The following CORO2B variants were observed in gnomAD, a reference collection of about 807,000 sequenced individuals.
CORO2B encodes coronin-2B.
A neutral mutation model predicts 58.8 loss-of-function variants in CORO2B; 26 were observed. The observed-to-expected ratio is 0.44, with a 90% CI of 0.32 to 0.61. CORO2B has a LOEUF of 0.61. CORO2B is among the 20% of genes least tolerant of loss of function. The pLI is 0.04. For missense variants in CORO2B, 460 were observed against 645.1 expected, an observed-to-expected ratio of 0.71 and a Z score of 3.11; for synonymous variants, 242 against 253.8, an observed-to-expected ratio of 0.95 and a Z score of 0.44.
At chr15:68,606,072 A>G (rs1004356548) in intron 1 of CORO2B, among the ~76,000 whole-genome samples, 1 of 152,006 alleles carries the variant, frequency 6.6e-6, no homozygotes, top group Non-Finnish European at 1.5e-5. Context: ...AGCCTCGTTT[A>G]CTGAAAGTCA....
At chr15:68,579,448 A>C (rs1899366051) in intron 1 of CORO2B, among the ~76,000 whole-genome samples, 171 bp downstream of exon 1, 1 of 151,634 alleles carries the variant, frequency 6.6e-6, no homozygotes, top group Non-Finnish European at 1.5e-5. Flanking sequence ...GCCCCCAAGG[A>C]CTGCGGAGGC....
At chr15:68,700,561 G>C (rs958067776) in intron 3 of CORO2B, among the ~76,000 whole-genome samples, 37 of 152,182 alleles carry the variant, frequency 2.4e-4, no homozygotes, top group Admixed American at 2.1e-3. Context: ...GGATCCAGCA[G>C]AACATACCCA....
Position 68,578,994 on chromosome 15 carries a change from T to C in CORO2B, c.-269T>C, listed in dbSNP as rs1219641314. The stretch of plus-strand genomic sequence containing the variant: ...CGGGCCCTCTCCCTCTCTCCCTTTC[T>C]TCCTGCCTCGCCTTCCTGCGGCGAA... On this transcript the variant is annotated 5_prime_UTR_variant, in exon 1 of 12. Coordinates refer to ENST00000261861, the MANE Select transcript of CORO2B (RefSeq NM_006091.5). The surrounding 1 kb of genome is among the most constrained non-coding windows in gnomAD (Gnocchi z 4.2). 1.0e-6 allele frequency: 1 copy of C among 970,194 alleles called. No individual in the cohort carries two copies. Among genetic ancestry groups the C allele is most frequent in the Non-Finnish European group, 1.2e-6 (1 of 817,138 alleles). 60.1% of individuals were successfully genotyped at this position (970,194 alleles called of 1,614,324 possible). A position where few individuals can be genotyped will look rare whatever the true frequency, so the allele number is the denominator to read the frequency against.
intron 2 of CORO2B, among the ~76,000 whole-genome samples, chr15:68,673,061 C>T (rs1265003668): frequency 6.6e-6 from 1 of 152,130 alleles, no homozygotes; most frequent in Admixed American, 6.5e-5. Flanking sequence ...TTGTAGCTTA[C>T]AGGGGTGGTG....
At chr15:68,529,639 C>T in the CORO2B span, among the ~76,000 whole-genome samples, 17 of 152,128 alleles carry the variant, frequency 1.1e-4, no homozygotes, top group African/African-American at 3.9e-4. Flanking sequence ...AATCTTGTCG[C>T]AAATTTTTCA....
intron 2 of CORO2B, among the ~76,000 whole-genome samples, chr15:68,670,300 A>G (rs757264823): frequency 5.9e-5 from 9 of 151,936 alleles, no homozygotes; most frequent in Non-Finnish European, 7.4e-5. Flanking sequence ...TCAGCCTCCC[A>G]AGTAGCTGGG....
At chr15:68,627,721 C>T (rs1475880759) in intron 1 of CORO2B, among the ~76,000 whole-genome samples, 1 of 152,094 alleles carries the variant, frequency 6.6e-6, no homozygotes, top group Non-Finnish European at 1.5e-5. Context: ...TATTAGGTGA[C>T]TCAGTTATTT....
At chr15:68,536,646 T>C in the CORO2B span, among the ~76,000 whole-genome samples, 1 of 152,236 alleles carries the variant, frequency 6.6e-6, no homozygotes, top group Non-Finnish European at 1.5e-5. Flanking sequence ...ATTTGTTTTT[T>C]CTTCCTTGGT....
chr15:68,548,540 C>G, the CORO2B span, among the ~76,000 whole-genome samples: 10 of 152,286 alleles, frequency 6.6e-5, no homozygotes, highest in Middle Eastern at 3.4e-3. Flanking sequence ...CAGCACACCA[C>G]AGCACATACA....
chr15:68,591,852 G>A (rs926096442), intron 1 of CORO2B, among the ~76,000 whole-genome samples: 1 of 152,170 alleles, frequency 6.6e-6, no homozygotes, highest in Non-Finnish European at 1.5e-5. Flanking sequence ...CTAGGAAAAC[G>A]TGGTTATAGC....
rs115420412 is a variant in CORO2B, at chr15:68,673,036, G to A, written c.217-22104G>A. ...AGGAGAACCCACACCCCCAGGGAAA[G>A]GGTCTACAAACAAGTTGTAGCTTAC... On this transcript the variant is annotated intron_variant, in intron 2 of 11. Transcript: ENST00000261861. 5.7e-3 allele frequency among the ~76,000 whole-genome samples: 864 copies of A among 152,292 alleles called. 3 individuals are homozygous for A. The highest frequency in any genetic ancestry group is 0.02 in the African/African-American group (820 of 41,534).
At chr15:68,614,343 A>G (rs1286223974) in intron 1 of CORO2B, among the ~76,000 whole-genome samples, 1 of 152,234 alleles carries the variant, frequency 6.6e-6, no homozygotes, top group African/African-American at 2.4e-5. Context: ...ATCACATAAA[A>G]TTGTGCATCG....
intron 1 of CORO2B, among the ~76,000 whole-genome samples, chr15:68,579,491 G>A (rs1386894513): frequency 6.6e-6 from 1 of 152,018 alleles, no homozygotes; most frequent in Non-Finnish European, 1.5e-5. Flanking sequence ...CAGCCCCGGC[G>A]GTTTGGCCAA....
chr15:68,540,315 G>A, the CORO2B span, among the ~76,000 whole-genome samples: 1 of 152,180 alleles, frequency 6.6e-6, no homozygotes, highest in Non-Finnish European at 1.5e-5. Context: ...AATGTATTGG[G>A]AAGCTGTCAA....
chr15:68,695,962 A>C (rs2140313675), intron 3 of CORO2B, among the ~76,000 whole-genome samples: 1 of 152,222 alleles, frequency 6.6e-6, no homozygotes. Flanking sequence ...TGGCTTGGGC[A>C]CAGTGGGTTC....
At chr15:68,595,164 G>A (rs1015602706) in intron 1 of CORO2B, among the ~76,000 whole-genome samples, 2 of 152,240 alleles carry the variant, frequency 1.3e-5, no homozygotes, top group African/African-American at 2.4e-5. Flanking sequence ...GGCCAGCCAA[G>A]TGGCAGCCTC....
chr15:68,587,326 A>T (rs1396760544), intron 1 of CORO2B, among the ~76,000 whole-genome samples: 1 of 152,114 alleles, frequency 6.6e-6, no homozygotes, highest in East Asian at 1.9e-4. Context: ...CCTGTATGAG[A>T]TAAGTGTCAA....
the CORO2B span, among the ~76,000 whole-genome samples, chr15:68,546,287 T>C: frequency 1.3e-5 from 2 of 152,202 alleles, 1 homozygote; most frequent in South Asian, 4.1e-4. Flanking sequence ...GTAGTTGCTT[T>C]AAGATTCCAC....
chr15:68,553,350 A>AT, the CORO2B span, among the ~76,000 whole-genome samples: 118,772 of 152,120 alleles, frequency 0.78, 46,541 homozygotes, highest in East Asian at 0.94. Context: ...GTAGTCCTAA[A>AT]GTAATCACAA....
Sources: gnomAD v4.1 joint callset for allele counts (sites outside exome capture counted in the v4.1 genomes callset) on GRCh38, gnomAD v4.1.1 for gene constraint, Gnocchi (gnomAD v3.1) non-coding constraint, MANE v1.5 for transcripts, NCBI Gene and HGNC (gene_info 2026-07-23, HGNC 2026-07-21) for gene names.